Variants in CDK12 observed in about 807,000 individuals in gnomAD.
CDK12 encodes the protein cyclin dependent kinase 12, also known as cyclin-dependent kinase 12.
Under a neutral mutation model 133.8 loss-of-function variants are expected in CDK12, and 17 were observed. That is an observed-to-expected ratio of 0.13 (90% CI 0.09 to 0.19). The LOEUF (loss-of-function observed/expected upper bound fraction) is 0.19. Ranked by LOEUF, CDK12 falls within the 10% of genes least tolerant of loss-of-function variation. The pLI is 1.00. For synonymous variants in CDK12, 694 were observed against 683.6 expected, an observed-to-expected ratio of 1.02 and a Z score of -0.24; for missense variants, 1,508 against 1,818.7, an observed-to-expected ratio of 0.83 and a Z score of 3.11.
intron 5 of CDK12, among the ~76,000 whole-genome samples, chr17:39,495,007 G>A (rs998870914): frequency 7.2e-5 from 11 of 152,036 alleles, no homozygotes; most frequent in African/African-American, 2.2e-4. Context: ...TCCTGACCTC[G>A]TGATCCGCCC....
At chr17:39,521,364 A>G (rs1036127359) in intron 11 of CDK12, among the ~76,000 whole-genome samples, 8 of 148,660 alleles carry the variant, frequency 5.4e-5, no homozygotes, top group African/African-American at 2.0e-4. Flanking sequence ...TCCGCCTCCC[A>G]GTTTCAAGCA....
intron 2 of CDK12, among the ~76,000 whole-genome samples, chr17:39,490,254 C>G (rs2051478465): frequency 6.6e-6 from 1 of 151,676 alleles, no homozygotes; most frequent in South Asian, 2.1e-4. Flanking sequence ...GTAATCCCAG[C>G]TACTTGGGAA....
At chr17:39,558,459 G>T (rs567563849) in intron 3 of CDK12, among the ~76,000 whole-genome samples, 119 of 152,318 alleles carry the variant, frequency 7.8e-4, no homozygotes, top group African/African-American at 2.6e-3. Context: ...ATTGATGCCT[G>T]TATGCCAGGC....
intron 10 of CDK12, among the ~76,000 whole-genome samples, chr17:39,518,787 G>C (rs1395456971): frequency 6.6e-6 from 1 of 152,068 alleles, no homozygotes; most frequent in East Asian, 1.9e-4. Context: ...TTGAACTCCT[G>C]ACCTCAAGTG....
downstream of CDK12, chr17:39,566,977 T>C (rs933039661): frequency 1.3e-5 from 2 of 152,320 alleles, no homozygotes; most frequent in African/African-American, 4.8e-5. Flanking sequence ...GGAGCCTGAG[T>C]TGACAGAGGA....
intron 4 of CDK12, 100 bp from the exon 5 acceptor site, chr17:39,494,424 A>G (rs1158767147): frequency 2.2e-6 from 2 of 924,038 alleles, no homozygotes; most frequent in Non-Finnish European, 3.4e-6. Flanking sequence ...CATTAAAGTA[A>G]GCACTAAGTT....
At chr17:39,565,263 G>T (rs1183298090), downstream of CDK12, among the ~76,000 whole-genome samples, 1 of 151,944 alleles carries the variant, frequency 6.6e-6, no homozygotes, top group Admixed American at 6.6e-5. Context: ...ATAGGCGCCC[G>T]CCACCACGCC....
chr17:39,485,055 A>G (rs954875190), intron 2 of CDK12, among the ~76,000 whole-genome samples: 1 of 151,696 alleles, frequency 6.6e-6, no homozygotes, highest in African/African-American at 2.4e-5. Context: ...CTGTGGTCCC[A>G]GCTACTCGGG....
intron 13 of CDK12, among the ~76,000 whole-genome samples, chr17:39,529,608 A>G (rs1654478158): frequency 6.6e-6 from 1 of 152,202 alleles, no homozygotes; most frequent in African/African-American, 2.4e-5. Context: ...CCTCAAACTC[A>G]TACCATTTTA....
chr17:39,488,211 G>A (rs1028333031), intron 2 of CDK12, among the ~76,000 whole-genome samples: 1 of 151,406 alleles, frequency 6.6e-6, no homozygotes, highest in African/African-American at 2.4e-5. Flanking sequence ...TCCAGCCTGG[G>A]CAACAAAGTG....
At chr17:39,463,414 C>T (rs1460008017) in intron 1 of CDK12, among the ~76,000 whole-genome samples, 3 of 152,166 alleles carry the variant, frequency 2.0e-5, no homozygotes, top group Non-Finnish European at 2.9e-5. Context: ...GGAGTTGATA[C>T]TAGTTCCCAG....
chr17:39,520,722 G>A (rs2146592007), intron 11 of CDK12, among the ~76,000 whole-genome samples: 1 of 143,362 alleles, frequency 7.0e-6, no homozygotes, highest in South Asian at 2.3e-4. Context: ...GTTGTTTTGA[G>A]ATGGAATCTT....
intron 11 of CDK12, among the ~76,000 whole-genome samples, chr17:39,520,822 G>C (rs545754569): frequency 2.0e-5 from 3 of 151,934 alleles, no homozygotes; most frequent in Non-Finnish European, 4.4e-5. Context: ...CACCACACCC[G>C]GCTAATTTTT....
In CDK12 at chr17:39,532,102, TTCTCTCTCTCTC is replaced by T. The variant is rs71843922; in HGVS notation, c.*816_*827del. On this transcript the variant is annotated 3_prime_UTR_variant, in exon 14 of 14. Coordinates refer to ENST00000447079, the MANE Select transcript of CDK12 (RefSeq NM_016507.4). ...GCTGATGTGTGCTCTCTCTCTCTCT[TTCTCTCTCTCTC>T]TCTCTCTCTCTCTCTCTCTCTCTCT... is the stretch of plus-strand genomic sequence containing the variant. 7.4e-3 allele frequency: 1,624 copies of T among 218,522 alleles called. 7 individuals are homozygous for T. Among genetic ancestry groups the T allele is most frequent in the East Asian group, 0.031 (508 of 16,232 alleles). The allele number at this position is 218,522 out of a possible 1,614,324, so 13.5% of individuals were successfully genotyped here. A position where few individuals can be genotyped will look rare whatever the true frequency, so the allele number is the denominator to read the frequency against.
At chr17:39,513,664 A>G (rs1327106901) in intron 8 of CDK12, among the ~76,000 whole-genome samples, 1 of 152,244 alleles carries the variant, frequency 6.6e-6, no homozygotes, top group Non-Finnish European at 1.5e-5. Context: ...TCTTCCCACC[A>G]AAGGACTGGA....
intron 1 of CDK12, among the ~76,000 whole-genome samples, chr17:39,463,640 C>G (rs1156291790): frequency 6.6e-6 from 1 of 151,846 alleles, no homozygotes; most frequent in Non-Finnish European, 1.5e-5. Context: ...CAAAAGATTC[C>G]TGTCTTTTAA....
At chr17:39,506,072 C>G (rs2053100738) in intron 6 of CDK12, among the ~76,000 whole-genome samples, 1 of 151,942 alleles carries the variant, frequency 6.6e-6, no homozygotes, top group Admixed American at 6.6e-5. Flanking sequence ...AAGGAGAATG[C>G]CAGAGGTCTG....
chr17:39,500,920 T>C (rs371462049), intron 5 of CDK12, among the ~76,000 whole-genome samples: 1 of 151,490 alleles, frequency 6.6e-6, no homozygotes, highest in Non-Finnish European at 1.5e-5. Context: ...TTAGTCAAGA[T>C]GAGGTTTCAT....
At chr17:39,495,266 G>A (rs2051985428) in intron 5 of CDK12, among the ~76,000 whole-genome samples, 1 of 151,494 alleles carries the variant, frequency 6.6e-6, no homozygotes, top group African/African-American at 2.4e-5. Context: ...TTAGTGGAGA[G>A]GAGGTTTCGC....
Sources: allele counts gnomAD v4.1 joint callset (sites outside exome capture counted in the v4.1 genomes callset), GRCh38; gene constraint gnomAD v4.1.1; transcripts MANE v1.5; gene names NCBI Gene and HGNC (gene_info 2026-07-23, HGNC 2026-07-21).